Variants in SMOC1 observed in about 807,000 individuals in gnomAD.
SMOC1 encodes SPARC related modular calcium binding 1.
In SMOC1, 22 loss-of-function variants were observed where a neutral mutation model predicts 56.3. The observed-to-expected ratio is 0.39, with a 90% CI of 0.28 to 0.56. The LOEUF is 0.56. Ranked by LOEUF, SMOC1 falls within the 20% of genes least tolerant of loss-of-function variation. The pLI, the probability that SMOC1 is intolerant of heterozygous loss-of-function variation, is 0.61. For missense variants in SMOC1, 509 were observed against 565.4 expected, an observed-to-expected ratio of 0.90 and a Z score of 1.01; for synonymous variants, 193 against 215.0, an observed-to-expected ratio of 0.90 and a Z score of 0.89.
chr14:69,950,958 C>G (rs1447811212), intron 1 of SMOC1, among the ~76,000 whole-genome samples: 22 of 152,148 alleles, frequency 1.4e-4, no homozygotes, highest in Admixed American at 1.4e-3. Flanking sequence ...GTGGTTCTGA[C>G]TTTGGGGTCT....
At position 69,926,387 on chromosome 14, in the gene SMOC1, T is replaced by G. The variant is rs116499363; in HGVS notation, c.100-25751T>G. Among the ~76,000 whole-genome samples the G allele has an allele frequency of 3.3e-3, 506 of 152,330 alleles. 4 individuals carry two copies. The highest frequency in any genetic ancestry group is 0.011 in the African/African-American group (472 of 41,574). ...CAGGGAGGAGTAAGCCTCTCTGGGTTCAAGCTTTGGGTTAGGCCATGGGGC... is the reference window on the plus strand; with the variant it reads ...CAGGGAGGAGTAAGCCTCTCTGGGTGCAAGCTTTGGGTTAGGCCATGGGGC... On this transcript the variant is annotated intron_variant, in intron 1 of 11. Transcript: ENST00000361956.
intron 1 of SMOC1, among the ~76,000 whole-genome samples, chr14:69,913,600 G>A (rs1025597421): frequency 6.6e-6 from 1 of 152,124 alleles, no homozygotes; most frequent in South Asian, 2.1e-4. Context: ...AACCTACTTG[G>A]AATACATGAG....
At chr14:70,011,347 G>C (rs1005024658) in intron 8 of SMOC1, 138 bp from the exon 9 acceptor site, 2 of 790,676 alleles carry the variant, frequency 2.5e-6, no homozygotes, top group Admixed American at 3.8e-5. Context: ...TAGCTGCCGG[G>C]CAGCGCAAGA....
rs79271398 is a variant in SMOC1 at position 69,881,888 on chromosome 14, G to A, written c.99+2111G>A. Reference sequence around the variant, plus strand: ...TAAAAGCCATTTTACAGATGACAAAGTGAGACTCAGGGTGGCCAATCGACT... The same window carrying A: ...TAAAAGCCATTTTACAGATGACAAAATGAGACTCAGGGTGGCCAATCGACT... On this transcript the variant is annotated intron_variant, in intron 1 of 11. Coordinates refer to ENST00000361956, the MANE Select transcript of SMOC1 (RefSeq NM_001034852.3). Among the ~76,000 whole-genome samples the A allele has an allele frequency of 6.6e-3, 1,001 of 152,286 alleles. 16 individuals carry two copies. Among genetic ancestry groups the A allele is most frequent in the African/African-American group, 0.023 (972 of 41,556 alleles).
chr14:69,962,834 C>G (rs61981765), intron 3 of SMOC1, among the ~76,000 whole-genome samples: 5,020 of 152,242 alleles, frequency 0.033, 123 homozygotes, highest in Non-Finnish European at 0.05. Flanking sequence ...GTCTTGGCCT[C>G]CGAAAGTGCT....
chr14:69,991,782 G>T (rs1884576622), intron 5 of SMOC1, among the ~76,000 whole-genome samples: 1 of 152,158 alleles, frequency 6.6e-6, no homozygotes, highest in Admixed American at 6.5e-5. Flanking sequence ...TGGGGTGTTT[G>T]CTATTTCACA....
chr14:70,016,486 T>C (rs1885517460), intron 10 of SMOC1, among the ~76,000 whole-genome samples: 2 of 152,152 alleles, frequency 1.3e-5, no homozygotes, highest in Admixed American at 1.3e-4. Flanking sequence ...AGAAATAGTT[T>C]AGAAATCAAG....
chr14:69,910,748 C>G (rs546852149), intron 1 of SMOC1, among the ~76,000 whole-genome samples: 1 of 152,222 alleles, frequency 6.6e-6, no homozygotes, highest in African/African-American at 2.4e-5. Context: ...CACCTCTGGT[C>G]AGGATCCCTC....
At chr14:69,999,471 C>T (rs756385356) in intron 7 of SMOC1, among the ~76,000 whole-genome samples, 44 of 152,290 alleles carry the variant, frequency 2.9e-4, no homozygotes, top group Non-Finnish European at 5.1e-4. Context: ...TCGCACATGA[C>T]GTGATTGGGA....
chr14:70,018,721 A>AG lies in SMOC1; in HGVS notation c.1047-4478dup, dbSNP rs752210356. 2.0e-5 allele frequency among the ~76,000 whole-genome samples: 3 copies of AG among 152,256 alleles called. 1 individual carries two copies. ...CCTCCCCCAGGGAAAGTCAACTTTGAGGGGAGGTGGGAAGGGCTGTGTGAG... is the reference window on the plus strand; with the variant it reads ...CCTCCCCCAGGGAAAGTCAACTTTGAGGGGGAGGTGGGAAGGGCTGTGTGAG... On this transcript the variant is annotated intron_variant, in intron 10 of 11. Coordinates refer to ENST00000361956, the MANE Select transcript of SMOC1 (RefSeq NM_001034852.3).
chr14:69,961,746 T>C (rs1160752107), intron 3 of SMOC1, among the ~76,000 whole-genome samples: 3 of 152,220 alleles, frequency 2.0e-5, no homozygotes, highest in Non-Finnish European at 2.9e-5. Flanking sequence ...TGTGTTTATC[T>C]GTTTTCAATT....
At chr14:69,997,272 A>G (rs1237929186) in intron 7 of SMOC1, among the ~76,000 whole-genome samples, 1 of 152,332 alleles carries the variant, frequency 6.6e-6, no homozygotes, top group South Asian at 2.1e-4. Context: ...CATCTCACAC[A>G]TACCTTTTCC....
At position 69,932,738 on chromosome 14, in the gene SMOC1, C is replaced by T. The variant is rs893305686; in HGVS notation, c.100-19400C>T. ...GGAAGATGGAGAGACACTGGCAGGG[C>T]AGTGCGGCTTTTTCCTGGTGACCAC... On this transcript the variant is annotated intron_variant, in intron 1 of 11. Transcript: ENST00000361956. Among the ~76,000 whole-genome samples, 9 of 152,160 alleles carry T rather than the reference C, an allele frequency of 5.9e-5. No individual in the cohort carries two copies. The East Asian group carries it at 9.6e-4, about 16-fold the overall frequency.
At chr14:69,989,671 G>A (rs1380166953) in intron 5 of SMOC1, among the ~76,000 whole-genome samples, 4 of 152,192 alleles carry the variant, frequency 2.6e-5, no homozygotes, top group Non-Finnish European at 5.9e-5. Context: ...ATGTGAAGGG[G>A]GATTTGGAGT....
chr14:70,000,457 G>C (rs1594848140), intron 7 of SMOC1, among the ~76,000 whole-genome samples: 1 of 152,234 alleles, frequency 6.6e-6, no homozygotes, highest in East Asian at 1.9e-4. Context: ...CTCAGTACTT[G>C]TCATTGCAAA....
intron 1 of SMOC1, among the ~76,000 whole-genome samples, chr14:69,908,573 G>A (rs976828836): frequency 2.6e-5 from 4 of 152,208 alleles, no homozygotes; most frequent in African/African-American, 2.4e-5. Context: ...AAAGAACACA[G>A]TAGACCCCTG....
At chr14:69,917,004 C>T (rs904902455) in intron 1 of SMOC1, among the ~76,000 whole-genome samples, 1 of 152,182 alleles carries the variant, frequency 6.6e-6, no homozygotes, top group African/African-American at 2.4e-5. Context: ...CATTATAATA[C>T]GGTGGTGGTT....
chr14:69,892,749 G>C (rs1883996959), intron 1 of SMOC1, among the ~76,000 whole-genome samples: 1 of 152,044 alleles, frequency 6.6e-6, no homozygotes, highest in Admixed American at 6.6e-5. Flanking sequence ...CTTATCATCT[G>C]TACATTTTCA....
intron 1 of SMOC1, among the ~76,000 whole-genome samples, chr14:69,890,201 A>G (rs983126293): frequency 6.6e-6 from 1 of 152,220 alleles, no homozygotes; most frequent in Middle Eastern, 3.2e-3. Context: ...TTAATGATGA[A>G]GTCGCTTAAT....
Sources: gnomAD v4.1 joint callset for allele counts (sites outside exome capture counted in the v4.1 genomes callset) on GRCh38, gnomAD v4.1.1 for gene constraint, MANE v1.5 for transcripts, NCBI Gene and HGNC (gene_info 2026-07-23, HGNC 2026-07-21) for gene names.